TRIO: variants seen among roughly 807,000 people sequenced by gnomAD.
TRIO encodes trio Rho guanine nucleotide exchange factor.
Under a neutral mutation model 351.9 loss-of-function variants are expected in TRIO, and 58 were observed. The observed-to-expected ratio is 0.16, with a 90% CI of 0.13 to 0.21. The LOEUF (loss-of-function observed/expected upper bound fraction) is 0.21, where lower values mean the gene tolerates loss of function less well. Ranked by LOEUF, TRIO falls within the 10% of genes least tolerant of loss-of-function variation. The pLI is 1.00. For synonymous variants in TRIO, 1,758 were observed against 1,595.7 expected, an observed-to-expected ratio of 1.10 and a Z score of -2.42; for missense variants, 3,201 against 4,027.8, an observed-to-expected ratio of 0.79 and a Z score of 5.56.
chr5:14,146,994 T>A (rs1787558859), intron 1 of TRIO, among the ~76,000 whole-genome samples: 1 of 152,190 alleles, frequency 6.6e-6, no homozygotes, highest in Non-Finnish European at 1.5e-5. Flanking sequence ...GGCCAATTAG[T>A]GTTCAAGTGG....
intron 34 of TRIO, among the ~76,000 whole-genome samples, chr5:14,450,403 C>T (rs73061676): frequency 6.6e-6 from 1 of 152,158 alleles, no homozygotes; most frequent in Non-Finnish European, 1.5e-5. Flanking sequence ...AAGCTCCCCA[C>T]TGAATTTGTG....
At chr5:14,365,912 A>T (rs899960154) in intron 15 of TRIO, among the ~76,000 whole-genome samples, 2 of 152,188 alleles carry the variant, frequency 1.3e-5, no homozygotes, top group African/African-American at 4.8e-5. Flanking sequence ...AGAAAGAGGC[A>T]GCCCCTCTAT....
chr5:14,327,250 T>C (rs1740468807), intron 9 of TRIO, among the ~76,000 whole-genome samples: 1 of 152,182 alleles, frequency 6.6e-6, no homozygotes, highest in African/African-American at 2.4e-5. Flanking sequence ...CTGCAATCTC[T>C]GCCTCCCAGG....
intron 10 of TRIO, among the ~76,000 whole-genome samples, chr5:14,334,589 A>C (rs1276582859): frequency 6.6e-6 from 1 of 152,214 alleles, no homozygotes; most frequent in Non-Finnish European, 1.5e-5. Flanking sequence ...TGTAGTGGTG[A>C]TCATAGGAAA....
intron 40 of TRIO, among the ~76,000 whole-genome samples, chr5:14,476,123 T>A (rs1048295406): frequency 1.3e-5 from 2 of 152,246 alleles, no homozygotes; most frequent in Non-Finnish European, 1.5e-5. Flanking sequence ...GTAACATATT[T>A]AGTTTTGTAT....
At chr5:14,349,792 A>C (rs1309552528) in intron 11 of TRIO, among the ~76,000 whole-genome samples, 1 of 152,204 alleles carries the variant, frequency 6.6e-6, no homozygotes, top group African/African-American at 2.4e-5. Flanking sequence ...CTCATGTCAC[A>C]GGGGGTTGGT....
intron 1 of TRIO, among the ~76,000 whole-genome samples, chr5:14,190,618 T>A (rs1790397095): frequency 6.6e-6 from 1 of 152,170 alleles, no homozygotes; most frequent in Non-Finnish European, 1.5e-5. Flanking sequence ...ATGAAATGTC[T>A]GTATAAAGAA....
At chr5:14,441,001 A>G (rs1402397717) in intron 34 of TRIO, 2 of 151,160 alleles carry the variant, frequency 1.3e-5, no homozygotes, top group Admixed American at 1.3e-4. Flanking sequence ...ACCCAACTGC[A>G]GCGCGCGCGC....
intron 11 of TRIO, among the ~76,000 whole-genome samples, chr5:14,350,699 G>A (rs1228324593): frequency 6.6e-6 from 1 of 152,132 alleles, no homozygotes; most frequent in African/African-American, 2.4e-5. Flanking sequence ...TTTCTTACAT[G>A]TAATACATTT....
At chr5:14,470,086 A>G (rs1487557794) in intron 37 of TRIO, among the ~76,000 whole-genome samples, 1 of 152,224 alleles carries the variant, frequency 6.6e-6, no homozygotes, top group Non-Finnish European at 1.5e-5. Flanking sequence ...CTATTTATTT[A>G]AAAGAGTGCA....
chr5:14,403,349 CT>C (rs1748312056), intron 31 of TRIO, among the ~76,000 whole-genome samples: 1 of 14,288 alleles, frequency 7.0e-5, no homozygotes, highest in Non-Finnish European at 1.1e-4. Flanking sequence ...GAGGGTGCAG[CT>C]TGTGAGGGTG....
rs977407455 is a variant in TRIO at position 14,419,812 on chromosome 5, A to G, written c.4994A>G (p.His1665Arg). 11 of 1,614,204 alleles carry G rather than the reference A, an allele frequency of 6.8e-6. No homozygotes were observed. Among genetic ancestry groups the G allele is most frequent in the Non-Finnish European group, 9.3e-6 (11 of 1,180,028 alleles). ...GGCTGTGAGCTGACAGTGGTGATCC[A>G]TGACTTCACCGCTTGCAACAGCAAC... ...SGGCELTVVI[H>R]DFTACNSNEL... Residue 1665 changes from histidine to arginine, a missense_variant, in exon 34 of 57, where the codon CAT becomes CGT. By Grantham distance (29) the His-to-Arg change is conservative (BLOSUM62 0). Around this residue, in one of 19 missense-constraint regions of TRIO, gnomAD observed 136 missense variants for 229.5 expected, o/e 0.59. Transcript: ENST00000344204.
Position 14,363,921 on chromosome 5 carries a change from G to A in TRIO, c.2581G>A (p.Ala861Thr). 6.2e-7 allele frequency: 1 copy of A among 1,613,414 alleles called. No individual in the cohort carries two copies. The highest frequency in any genetic ancestry group is 8.5e-7 in the Non-Finnish European group (1 of 1,179,482). ...DLLQYVNEVQ[A>T]SGVELLCDRD... The stretch of plus-strand genomic sequence containing the variant: ...TCTGCAGTATGTCAATGAGGTCCAG[G>A]CCTCTGGTAAGAGGGCTCACTCCAT... The change falls in exon 14 of 57, where the codon GCC (alanine) becomes ACC (threonine). Residue 861 changes from alanine to threonine, a missense_variant. Around this residue, in one of 19 missense-constraint regions of TRIO, gnomAD observed 363 missense variants for 553.5 expected, o/e 0.66. Transcript: ENST00000344204.
chr5:14,385,107 C>T (rs1468836613), intron 21 of TRIO, among the ~76,000 whole-genome samples: 1 of 152,198 alleles, frequency 6.6e-6, no homozygotes, highest in South Asian at 2.1e-4. Context: ...GCTGCGTGGA[C>T]GAGGCTCCGT....
chr5:14,364,066 C>T (rs958663407), intron 14 of TRIO, 139 bp downstream of exon 14: 8 of 801,186 alleles, frequency 1.0e-5, no homozygotes, highest in South Asian at 9.2e-5. Context: ...TTTAAAAGAA[C>T]GTTTGCATTT....
rs114264765 is a variant in TRIO, at chr5:14,276,342, C to T, written c.233-3980C>T. On this transcript the variant is annotated intron_variant, in intron 2 of 56. Coordinates refer to ENST00000344204, the MANE Select transcript of TRIO (RefSeq NM_007118.4). ...CAGGCTGCCGAGTCTTCTCAGCCTTCAGTAGAAATACTCCATGAGCCAATT... is the reference window on the plus strand; with the variant it reads ...CAGGCTGCCGAGTCTTCTCAGCCTTTAGTAGAAATACTCCATGAGCCAATT... 4.9e-3 allele frequency among the ~76,000 whole-genome samples: 751 copies of T among 152,302 alleles called. 5 individuals carry two copies. Among genetic ancestry groups the T allele is most frequent in the African/African-American group, 0.016 (669 of 41,566 alleles).
At chr5:14,400,391 G>C (rs772636972) in intron 30 of TRIO, among the ~76,000 whole-genome samples, 4 of 152,104 alleles carry the variant, frequency 2.6e-5, no homozygotes, top group Admixed American at 6.5e-5. Flanking sequence ...CCTTGACTGT[G>C]GGGGAGGGGC....
At chr5:14,329,290 T>G (rs1187870431) in intron 9 of TRIO, among the ~76,000 whole-genome samples, 1 of 152,256 alleles carries the variant, frequency 6.6e-6, no homozygotes, top group Non-Finnish European at 1.5e-5. Context: ...CTGCATCGTC[T>G]GAATGTTTGT....
intron 1 of TRIO, among the ~76,000 whole-genome samples, chr5:14,157,826 G>A (rs1368202347): frequency 6.6e-6 from 1 of 152,090 alleles, no homozygotes; most frequent in Admixed American, 6.5e-5. Flanking sequence ...GGGCTCAAGC[G>A]ATCCACCTGC....
Sources: gnomAD v4.1 joint callset for allele counts (sites outside exome capture counted in the v4.1 genomes callset) on GRCh38, gnomAD v4.1.1 for gene constraint, gnomAD v4.1.1 regional missense constraint, MANE v1.5 for transcripts, NCBI Gene and HGNC (gene_info 2026-07-23, HGNC 2026-07-21) for gene names.